The following USP31 variants were observed in gnomAD, a reference collection of about 807,000 sequenced individuals.
The protein encoded by USP31 is ubiquitin specific peptidase 31.
Under a neutral mutation model 119.4 loss-of-function variants are expected in USP31, and 44 were observed. The ratio of observed to expected loss-of-function variants is 0.37; its 90% CI spans 0.29 to 0.47. The LOEUF (loss-of-function observed/expected upper bound fraction) is 0.47. USP31 is among the 20% of genes least tolerant of loss of function. USP31 has a pLI of 0.99. For synonymous variants in USP31, 749 were observed against 705.6 expected (o/e 1.06, Z -0.97); for missense variants, 1,643 against 1,730.2 (o/e 0.95, Z 0.89).
intron 15 of USP31, 75 bp downstream of exon 15, chr16:23,071,970 T>C (rs1157080083): frequency 7.8e-6 from 12 of 1,537,526 alleles, no homozygotes; most frequent in Non-Finnish European, 1.1e-5. Context: ...ACTTAGCTCC[T>C]AGGAAAAACA....
At chr16:23,142,010 A>G (rs1167390353) in intron 1 of USP31, among the ~76,000 whole-genome samples, 1 of 152,238 alleles carries the variant, frequency 6.6e-6, no homozygotes, top group African/African-American at 2.4e-5. Context: ...CAGCTTCTCT[A>G]TAAGCAGCTA....
At chr16:23,103,926 A>C (rs934038085) in intron 5 of USP31, among the ~76,000 whole-genome samples, 2 of 152,180 alleles carry the variant, frequency 1.3e-5, no homozygotes, top group African/African-American at 2.4e-5. Context: ...ATCAATCCAT[A>C]CATACATACA....
At chr16:23,136,422 G>A (rs985549411) in intron 1 of USP31, among the ~76,000 whole-genome samples, 1 of 152,192 alleles carries the variant, frequency 6.6e-6, no homozygotes, top group Admixed American at 6.5e-5. Context: ...GGAGGCCGAG[G>A]TGGGTGGATC....
At chr16:23,074,844 T>C (rs912619857) in intron 13 of USP31, among the ~76,000 whole-genome samples, 2 of 152,254 alleles carry the variant, frequency 1.3e-5, no homozygotes, top group African/African-American at 4.8e-5. Flanking sequence ...AAGGGTGTTA[T>C]AAGCTTGATC....
At chr16:23,116,915 AG>A (rs1902502596) in intron 1 of USP31, among the ~76,000 whole-genome samples, 1 of 152,228 alleles carries the variant, frequency 6.6e-6, no homozygotes, top group Admixed American at 6.5e-5. Flanking sequence ...CACAGAGAAA[AG>A]CATGTTATTC....
chr16:23,071,947 C>T (rs1400881279), intron 15 of USP31, 98 bp downstream of exon 15: 2 of 1,491,476 alleles, frequency 1.3e-6, no homozygotes, highest in African/African-American at 2.8e-5. Context: ...GGTTCTCCTA[C>T]CATCTCCTTG....
At chr16:23,123,390 C>T (rs1256867434) in intron 1 of USP31, among the ~76,000 whole-genome samples, 1 of 151,844 alleles carries the variant, frequency 6.6e-6, no homozygotes. Context: ...ATACAAAAAT[C>T]AGCCAGGCGT....
intron 13 of USP31, among the ~76,000 whole-genome samples, chr16:23,078,522 C>T (rs1034283868): frequency 6.6e-6 from 1 of 152,006 alleles, no homozygotes; most frequent in East Asian, 1.9e-4. Context: ...GACAGCTGAC[C>T]CTCCCCCTCC....
chr16:23,147,018 G>A (rs944503470), intron 1 of USP31, among the ~76,000 whole-genome samples: 1 of 151,466 alleles, frequency 6.6e-6, no homozygotes, highest in African/African-American at 2.4e-5. Context: ...TTAAAAACAG[G>A]CTAACATCAA....
chr16:23,095,005 T>C (rs1901538877), intron 6 of USP31, among the ~76,000 whole-genome samples: 1 of 152,210 alleles, frequency 6.6e-6, no homozygotes, highest in Non-Finnish European at 1.5e-5. Context: ...GGAGAATGAC[T>C]TTGATGAGTT....
chr16:23,120,275 G>T lies in USP31; in HGVS notation c.634-12092C>A, dbSNP rs992926050. On this transcript the variant is annotated intron_variant, in intron 1 of 15. Coordinates refer to ENST00000219689, the MANE Select transcript of USP31 (RefSeq NM_020718.4). ...AAAGAGTTAAAGTTAAAACTGAAAAGCCATCTAAATATCTAATAAATTATT... is the reference window on the plus strand; with the variant it reads ...AAAGAGTTAAAGTTAAAACTGAAAATCCATCTAAATATCTAATAAATTATT... Among the ~76,000 whole-genome samples the T allele has an allele frequency of 2.6e-5, 4 of 152,102 alleles. No individual in the cohort carries two copies. In the East Asian group the frequency reaches 5.8e-4, roughly 22 times the overall value.
At chr16:23,100,126 A>C (rs931098422) in intron 6 of USP31, among the ~76,000 whole-genome samples, 2 of 152,214 alleles carry the variant, frequency 1.3e-5, no homozygotes, top group African/African-American at 4.8e-5. Context: ...TAAGTACCCC[A>C]AATGATTAAA....
intron 1 of USP31, among the ~76,000 whole-genome samples, chr16:23,146,593 T>G (rs1903514309): frequency 6.6e-6 from 1 of 152,084 alleles, no homozygotes; most frequent in African/African-American, 2.4e-5. Context: ...AGTCCCTATC[T>G]CAGTCAAGTA....
At chr16:23,081,221 C>T (rs1448835809) in intron 12 of USP31, among the ~76,000 whole-genome samples, 1 of 152,138 alleles carries the variant, frequency 6.6e-6, no homozygotes. Context: ...TGGTGACATG[C>T]CTTCAAAAGA....
intron 1 of USP31, among the ~76,000 whole-genome samples, chr16:23,130,346 G>A (rs570641580): frequency 7.2e-4 from 110 of 152,078 alleles, no homozygotes; most frequent in Non-Finnish European, 1.3e-3. Flanking sequence ...AGCATTTTGG[G>A]AGGCCAAGAT....
chr16:23,108,256 C>T (rs571944969), intron 1 of USP31, 73 bp from the exon 2 acceptor site: 24 of 1,512,852 alleles, frequency 1.6e-5, no homozygotes, highest in Middle Eastern at 1.8e-4. Flanking sequence ...TATTCATAAT[C>T]GCAAAAGGGA....
intron 1 of USP31, among the ~76,000 whole-genome samples, chr16:23,127,429 A>T (rs1220079495): frequency 6.6e-6 from 1 of 152,096 alleles, no homozygotes; most frequent in Non-Finnish European, 1.5e-5. Flanking sequence ...AAAGAAAAAA[A>T]AGAAAACCTC....
Position 23,073,861 on chromosome 16 carries a change from C to T in USP31, c.2196G>A (p.Val732=), listed in dbSNP as rs1900447322. 1.9e-6 allele frequency: 3 copies of T among 1,613,930 alleles called. No individual in the cohort carries two copies. The highest frequency in any genetic ancestry group is 2.7e-5 in the African/African-American group (2 of 74,904). Residue 732 remains valine, a synonymous_variant, in exon 14 of 16, where the codon GTG becomes GTA. Coordinates refer to ENST00000219689, the MANE Select transcript of USP31 (RefSeq NM_020718.4). The part of the protein sequence containing the change: ...GHYTAYCKNS[V]DGLWYCFDDS... ...CATCGAAGCAGTACCAGAGGCCGTCCACAGAGTTCTTACAGTACGCTGCCA... is the reference window on the plus strand; with the variant it reads ...CATCGAAGCAGTACCAGAGGCCGTCTACAGAGTTCTTACAGTACGCTGCCA...
chr16:23,148,593 C>A, intron 1 of USP31, 45 bp downstream of exon 1: 1 of 1,415,960 alleles, frequency 7.1e-7, no homozygotes, highest in South Asian at 1.5e-5. Flanking sequence ...GCAGGTGCCC[C>A]AGGGGCTCGG....
Sources: gnomAD v4.1 joint callset for allele counts (sites outside exome capture counted in the v4.1 genomes callset) on GRCh38, gnomAD v4.1.1 for gene constraint, MANE v1.5 for transcripts, NCBI Gene and HGNC (gene_info 2026-07-23, HGNC 2026-07-21) for gene names.